The following NAV1 variants were observed in gnomAD, a reference collection of about 807,000 sequenced individuals.
NAV1 encodes neuron navigator 1.
A neutral mutation model predicts 175.2 loss-of-function variants in NAV1; 18 were observed. The observed-to-expected ratio is 0.10, with a 90% CI of 0.07 to 0.15. The LOEUF (loss-of-function observed/expected upper bound fraction) is 0.15, where lower values mean the gene tolerates loss of function less well. Among genes scored for constraint, NAV1 ranks in the 10% least tolerant of loss-of-function variants. NAV1 has a pLI of 1.00. For synonymous variants in NAV1, 897 were observed against 978.7 expected (o/e 0.92, Z 1.56); for missense variants, 1,731 against 2,436.6 (o/e 0.71, Z 6.10).
chr1:201,543,087 G>A (rs554504414), intron 1 of NAV1, among the ~76,000 whole-genome samples: 6 of 152,262 alleles, frequency 3.9e-5, no homozygotes, highest in Non-Finnish European at 5.9e-5. Flanking sequence ...ATAGTTTTAC[G>A]TCTTTCTTTC....
intron 1 of NAV1, among the ~76,000 whole-genome samples, chr1:201,651,353 T>C (rs1164391226): frequency 6.6e-6 from 1 of 151,782 alleles, no homozygotes; most frequent in Non-Finnish European, 1.5e-5. Context: ...TCTTAGTTGC[T>C]CCTCAAGAGG....
At position 201,694,994 on chromosome 1, in the gene NAV1, G is replaced by C. The variant is rs141087147; in HGVS notation, c.758-17823G>C. On this transcript the variant is annotated intron_variant, in intron 1 of 29. Transcript: ENST00000367296. This position sits in a 1 kb window ranked among gnomAD's most constrained non-coding sequence, Gnocchi z 4.2. ...CAAATGTAGAGGGACAGTAGAGATCGTCTGCCAAAAGGGTTCATATATCCA... is the reference window on the plus strand; with the variant it reads ...CAAATGTAGAGGGACAGTAGAGATCCTCTGCCAAAAGGGTTCATATATCCA... 2.6e-5 allele frequency among the ~76,000 whole-genome samples: 4 copies of C among 152,214 alleles called. No homozygotes were observed. The highest frequency in any genetic ancestry group is 5.9e-5 in the Non-Finnish European group (4 of 68,040).
At chr1:201,778,115 C>T (rs1211564081) in intron 3 of NAV1, among the ~76,000 whole-genome samples, 1 of 152,106 alleles carries the variant, frequency 6.6e-6, no homozygotes, top group East Asian at 1.9e-4. Context: ...CTTGGTAATT[C>T]TAGGCTTATA....
chr1:201,617,739 G>A (rs760916639), intron 2 of NAV1, among the ~76,000 whole-genome samples: 14 of 152,180 alleles, frequency 9.2e-5, no homozygotes, highest in East Asian at 3.8e-4. Flanking sequence ...TGAAAGAGAC[G>A]TAGATTGTCC....
exon 1 of NAV1, chr1:201,649,171 T>C: frequency 6.2e-7 from 1 of 1,612,068 alleles, no homozygotes; most frequent in Non-Finnish European, 8.5e-7. Context: ...GCGCCCAACC[T>C]GGGAAAGCCG....
upstream of NAV1, among the ~76,000 whole-genome samples, chr1:201,618,170 A>G (rs1385219264): frequency 4.6e-5 from 7 of 151,936 alleles, no homozygotes; most frequent in African/African-American, 1.7e-4. Flanking sequence ...GCTGCCAGAG[A>G]CCTGAAATTC....
chr1:201,672,584 A>G (rs1376280404), intron 1 of NAV1, among the ~76,000 whole-genome samples: 1 of 152,246 alleles, frequency 6.6e-6, no homozygotes, highest in African/African-American at 2.4e-5. Context: ...TTTATGGGCC[A>G]GGAACCTGAG....
At chr1:201,774,599 C>T (rs547334) in intron 3 of NAV1, among the ~76,000 whole-genome samples, 68,583 of 151,812 alleles carry the variant, frequency 0.45, 15,629 homozygotes, top group African/African-American at 0.5. Context: ...ATGACCAGCC[C>T]GGGCAACATA....
exon 30 of NAV1, chr1:201,822,489 G>A (rs909655963): frequency 6.6e-6 from 1 of 152,650 alleles, no homozygotes; most frequent in African/African-American, 2.4e-5. Context: ...AAAAAGGAGA[G>A]GGGAGAACCC....
intron 3 of NAV1, among the ~76,000 whole-genome samples, chr1:201,774,774 T>C (rs1285208834): frequency 6.6e-6 from 1 of 152,222 alleles, no homozygotes; most frequent in Non-Finnish European, 1.5e-5. Context: ...TTTCACATAT[T>C]TCACAACTAC....
At chr1:201,650,039 T>C (rs1214134214) in intron 1 of NAV1, among the ~76,000 whole-genome samples, 1 of 152,204 alleles carries the variant, frequency 6.6e-6, no homozygotes, top group African/African-American at 2.4e-5. Flanking sequence ...GCATGTCCGA[T>C]ACCTCAGCCC....
intron 3 of NAV1, among the ~76,000 whole-genome samples, chr1:201,731,824 T>C (rs1348472993): frequency 6.6e-6 from 1 of 151,938 alleles, no homozygotes; most frequent in African/African-American, 2.4e-5. Context: ...TTCTGCTGAG[T>C]GTTATTAGAA....
At chr1:201,804,136 T>G (rs1398699467) in intron 16 of NAV1, 7 of 457,634 alleles carry the variant, frequency 1.5e-5, no homozygotes, top group Non-Finnish European at 2.4e-5. Context: ...TGGGGATGTT[T>G]TGTGGAGCTT....
chr1:201,712,026 T>C (rs1273896086), intron 1 of NAV1, among the ~76,000 whole-genome samples: 2 of 152,216 alleles, frequency 1.3e-5, no homozygotes, highest in African/African-American at 2.4e-5. Context: ...ATTCTGAGGA[T>C]TGGGCCACAC....
At chr1:201,689,644 A>T (rs188161295) in intron 1 of NAV1, among the ~76,000 whole-genome samples, 2 of 151,616 alleles carry the variant, frequency 1.3e-5, no homozygotes, top group African/African-American at 4.9e-5. Flanking sequence ...ATAAGCCCTG[A>T]CTCTAGGGGT....
chr1:201,807,812 A>C lies in NAV1; in HGVS notation c.3649-141A>C, dbSNP rs1328481057. 2.6e-6 allele frequency: 2 copies of C among 772,564 alleles called. No homozygotes were observed. Among genetic ancestry groups the C allele is most frequent in the Non-Finnish European group, 4.3e-6 (2 of 460,590 alleles). The allele number at this position is 772,564 out of a possible 1,614,324, so 47.9% of individuals were successfully genotyped here. A position where few individuals can be genotyped will look rare whatever the true frequency, so the allele number is the denominator to read the frequency against. On this transcript the variant is annotated intron_variant, in intron 17 of 29. Transcript: ENST00000367296. This position sits in a 1 kb window ranked among gnomAD's most constrained non-coding sequence, Gnocchi z 5.4. Reference sequence around the variant, plus strand: ...TCTTCTGTCCGTATTCTATGAATCAAGTGAAGTGTTATAGAGGGTGGCTTA... The same window carrying C: ...TCTTCTGTCCGTATTCTATGAATCACGTGAAGTGTTATAGAGGGTGGCTTA...
intron 1 of NAV1, among the ~76,000 whole-genome samples, chr1:201,585,594 TA>T (rs946986091): frequency 6.6e-6 from 1 of 152,014 alleles, no homozygotes; most frequent in African/African-American, 2.4e-5. Flanking sequence ...GTGGAAAATA[TA>T]AAAAACTTCT....
chr1:201,794,622 A>T, intron 15 of NAV1, 45 bp downstream of exon 19: 1 of 1,531,584 alleles, frequency 6.5e-7, no homozygotes, highest in Non-Finnish European at 9.0e-7. Flanking sequence ...GGAGCAGGAA[A>T]GTAAGAGTAT....
At chr1:201,617,560 T>C (rs1355689712) in intron 2 of NAV1, among the ~76,000 whole-genome samples, 1 of 152,148 alleles carries the variant, frequency 6.6e-6, no homozygotes, top group Admixed American at 6.5e-5. Flanking sequence ...ACCTCATTTC[T>C]ACTAAAAATA....
Sources: gnomAD v4.1 joint callset for allele counts (sites outside exome capture counted in the v4.1 genomes callset) on GRCh38, gnomAD v4.1.1 for gene constraint, Gnocchi (gnomAD v3.1) non-coding constraint, MANE v1.5 for transcripts, NCBI Gene and HGNC (gene_info 2026-07-23, HGNC 2026-07-21) for gene names.